DOCK4: variants seen among roughly 807,000 people sequenced by gnomAD.
DOCK4 encodes dedicator of cytokinesis protein 4.
DOCK4 carries 97 observed loss-of-function variants against 268.1 expected under a neutral mutation model. The ratio of observed to expected loss-of-function variants is 0.36; its 90% CI spans 0.31 to 0.43. DOCK4 has a LOEUF of 0.43. Ranked by LOEUF, DOCK4 falls within the 20% of genes least tolerant of loss-of-function variation. The probability of loss-of-function intolerance (pLI) is 1.00; values close to 1 mark genes in which losing one functional copy is unlikely to be tolerated. For synonymous variants in DOCK4, 954 were observed against 887.2 expected, an observed-to-expected ratio of 1.08 and a Z score of -1.34; for missense variants, 2,145 against 2,455.7, an observed-to-expected ratio of 0.87 and a Z score of 2.67.
At chr7:112,145,859 G>A (rs1815432685) in intron 1 of DOCK4, among the ~76,000 whole-genome samples, 1 of 152,098 alleles carries the variant, frequency 6.6e-6, no homozygotes, top group African/African-American at 2.4e-5. Flanking sequence ...GTCAAGGAGG[G>A]TGTGAGAGCA....
intron 1 of DOCK4, among the ~76,000 whole-genome samples, chr7:112,072,425 G>A (rs550375700): frequency 2.6e-5 from 4 of 152,304 alleles, no homozygotes; most frequent in East Asian, 3.9e-4. Context: ...AATTTCTCCA[G>A]GTTTGGGGAT....
intron 26 of DOCK4, among the ~76,000 whole-genome samples, chr7:111,825,055 G>T (rs1802291150): frequency 6.6e-6 from 1 of 152,066 alleles, no homozygotes; most frequent in African/African-American, 2.4e-5. Flanking sequence ...CAATGACCTT[G>T]GCAATTTGTT....
In DOCK4 at chr7:111,830,673, A is replaced by T. The variant is rs1802750365; in HGVS notation, c.2835+3915T>A. 2.0e-5 allele frequency among the ~76,000 whole-genome samples: 3 copies of T among 152,160 alleles called. No individual in the cohort carries two copies. In the South Asian group the frequency reaches 6.2e-4, roughly 31 times the overall value. Reference sequence around the variant, plus strand: ...TTCTCCCTCTCCACCAGCTGTAATCATGAATATATTTAAACATGCTTAAGT... The same window carrying T: ...TTCTCCCTCTCCACCAGCTGTAATCTTGAATATATTTAAACATGCTTAAGT... On this transcript the variant is annotated intron_variant, in intron 26 of 52. Coordinates refer to ENST00000428084, the MANE Select transcript of DOCK4 (RefSeq NM_001363540.2).
Position 111,979,554 on chromosome 7 carries a change from C to T in DOCK4, c.550-2271G>A, listed in dbSNP as rs561342273. On this transcript the variant is annotated intron_variant, in intron 7 of 52. Coordinates refer to ENST00000428084, the MANE Select transcript of DOCK4 (RefSeq NM_001363540.2). ...AATACACCTCTAACTAACAAGGCTT[C>T]ACCATCCCCCCTCCACCCCGCCAGA... 8.6e-5 allele frequency among the ~76,000 whole-genome samples: 13 copies of T among 151,170 alleles called. 1 individual carries two copies. The South Asian group carries it at 2.7e-3, about 32-fold the overall frequency.
intron 4 of DOCK4, among the ~76,000 whole-genome samples, chr7:111,996,385 A>T (rs925821868): frequency 6.6e-5 from 10 of 152,190 alleles, no homozygotes; most frequent in Non-Finnish European, 7.3e-5. Flanking sequence ...GTAAGTAGTT[A>T]CCTCTGAAAT....
chr7:112,187,530 A>G lies in DOCK4; in HGVS notation c.37+18572T>C, dbSNP rs1298007973. 2.0e-5 allele frequency among the ~76,000 whole-genome samples: 3 copies of G among 152,280 alleles called. No individual in the cohort carries two copies. The East Asian group carries it at 5.8e-4, about 29-fold the overall frequency. ...GCCTCTCCATGCTCCACTTTTTACA[A>G]GTCTTTGTCTGATTTACTACAGAGA... On this transcript the variant is annotated intron_variant, in intron 1 of 52. Coordinates refer to ENST00000428084, the MANE Select transcript of DOCK4 (RefSeq NM_001363540.2).
intron 1 of DOCK4, among the ~76,000 whole-genome samples, chr7:112,176,993 G>A (rs1818593422): frequency 6.6e-6 from 1 of 152,158 alleles, no homozygotes; most frequent in South Asian, 2.1e-4. Context: ...GGATAATGAG[G>A]TAGAATGAGG....
Position 111,957,655 on chromosome 7 carries a change from T to A in DOCK4, c.702-11857A>T, listed in dbSNP as rs527926151. 6.6e-5 allele frequency among the ~76,000 whole-genome samples: 10 copies of A among 152,288 alleles called. No homozygotes were observed. In the South Asian group the frequency reaches 2.1e-3, roughly 32 times the overall value. On this transcript the variant is annotated intron_variant, in intron 8 of 52. Coordinates refer to ENST00000428084, the MANE Select transcript of DOCK4 (RefSeq NM_001363540.2). ...TCTTACAACATATTAATAAATGGCA[T>A]GAAGGCAGGAATTTTTTGTTCCTGT...
In DOCK4 at chr7:111,922,771, CG is replaced by C. The variant is rs369914422; in HGVS notation, c.1067-6868del. ...TAATTTTTTATACTTTTAGTAGAGA[CG>C]GGGTTTCACCGTGTTAGCCAGTATG... is the stretch of plus-strand genomic sequence containing the variant. On this transcript the variant is annotated intron_variant, in intron 12 of 52. Coordinates refer to ENST00000428084, the MANE Select transcript of DOCK4 (RefSeq NM_001363540.2). Among the ~76,000 whole-genome samples the C allele has an allele frequency of 5.9e-3, 903 of 151,986 alleles. 9 individuals are homozygous for C. Among genetic ancestry groups the C allele is most frequent in the African/African-American group, 0.021 (874 of 41,462 alleles).
chr7:112,044,886 A>G lies in DOCK4; in HGVS notation c.38-40755T>C, dbSNP rs370148706. On this transcript the variant is annotated intron_variant, in intron 1 of 52. Transcript: ENST00000428084. ...ACCATCTCTCATTTTGTCTATTGCT[A>G]CAGTTTCTAACTCTTCCCAGCCCTC... 1.3e-4 allele frequency among the ~76,000 whole-genome samples: 20 copies of G among 152,256 alleles called. No individual in the cohort carries two copies. The East Asian group carries it at 2.3e-3, about 18-fold the overall frequency.
chr7:111,997,725 C>A (rs953126312), intron 4 of DOCK4, among the ~76,000 whole-genome samples: 38 of 152,170 alleles, frequency 2.5e-4, no homozygotes, highest in Non-Finnish European at 1.9e-4. Flanking sequence ...ATGCAATGAT[C>A]ATGTGAATAG....
rs532681237 is a variant in DOCK4 at position 112,027,940 on chromosome 7, C to A, written c.38-23809G>T. On this transcript the variant is annotated intron_variant, in intron 1 of 52. Coordinates refer to ENST00000428084, the MANE Select transcript of DOCK4 (RefSeq NM_001363540.2). Reference sequence around the variant, plus strand: ...GAGAGCCATGAAACCAAAGAGTTACCATTCCATTTGAGAAAGACAGAACTA... The same window carrying A: ...GAGAGCCATGAAACCAAAGAGTTACAATTCCATTTGAGAAAGACAGAACTA... Among the ~76,000 whole-genome samples, 6 of 152,256 alleles carry A rather than the reference C, an allele frequency of 3.9e-5. No individual in the cohort carries two copies. In the East Asian group the frequency reaches 9.6e-4, roughly 24 times the overall value.
At chr7:111,900,608 CTT>C (rs1022684690) in intron 14 of DOCK4, 72 bp from the exon 15 acceptor site, 10 of 1,471,802 alleles carry the variant, frequency 6.8e-6, no homozygotes, top group Non-Finnish European at 8.3e-6. Flanking sequence ...AGAGCAATCA[CTT>C]TGCTCTATCT....
At chr7:112,104,189 T>A (rs1452099297) in intron 1 of DOCK4, among the ~76,000 whole-genome samples, 1 of 152,208 alleles carries the variant, frequency 6.6e-6, no homozygotes, top group Non-Finnish European at 1.5e-5. Context: ...ACCATAGTGG[T>A]CATTAGTGAA....
intron 1 of DOCK4, among the ~76,000 whole-genome samples, chr7:112,133,432 C>T (rs1813997389): frequency 6.6e-6 from 1 of 152,110 alleles, no homozygotes; most frequent in South Asian, 2.1e-4. Flanking sequence ...AAAAAGTATG[C>T]TATAAAAAGG....
Position 111,739,252 on chromosome 7 carries a change from A to C in DOCK4, c.5123-9T>G, listed in dbSNP as rs1284823984. On this transcript the variant is annotated splice_polypyrimidine_tract_variant and intron_variant, in intron 48 of 52. Transcript: ENST00000428084. ...AGACAACAAAGGAGAAGCTGGGAAG[A>C]GAAGGAGAGAGAGGATCATCAGCAT... is the stretch of plus-strand genomic sequence containing the variant. 1 of 1,610,862 alleles carries C rather than the reference A, an allele frequency of 6.2e-7. No individual in the cohort carries two copies. The highest frequency in any genetic ancestry group is 1.3e-5 in the African/African-American group (1 of 74,994).
intron 1 of DOCK4, among the ~76,000 whole-genome samples, chr7:112,164,509 T>G (rs754073588): frequency 6.6e-6 from 1 of 152,186 alleles, no homozygotes; most frequent in Non-Finnish European, 1.5e-5. Flanking sequence ...GATTACTTAC[T>G]CTGTGCCAGG....
At chr7:112,102,036 G>A (rs564226360) in intron 1 of DOCK4, among the ~76,000 whole-genome samples, 2 of 152,194 alleles carry the variant, frequency 1.3e-5, no homozygotes, top group Admixed American at 6.5e-5. Context: ...GTTTCACCAT[G>A]TTAGCAAGGA....
At chr7:112,082,391 C>A (rs113449091) in intron 1 of DOCK4, among the ~76,000 whole-genome samples, 10 of 152,042 alleles carry the variant, frequency 6.6e-5, no homozygotes, top group African/African-American at 2.2e-4. Context: ...CACAGGAAAG[C>A]CAGAGAAAAA....
Sources: allele counts gnomAD v4.1 joint callset (sites outside exome capture counted in the v4.1 genomes callset), GRCh38; gene constraint gnomAD v4.1.1; transcripts MANE v1.5; gene names NCBI Gene and HGNC (gene_info 2026-07-23, HGNC 2026-07-21).